The following GSDMB variants were observed in gnomAD, a reference collection of about 807,000 sequenced individuals.
The protein encoded by GSDMB is gasdermin-B.
In GSDMB, 32 loss-of-function variants were observed where a neutral mutation model predicts 42.9. The ratio of observed to expected loss-of-function variants is 0.75; its 90% CI spans 0.56 to 1.00. The LOEUF (loss-of-function observed/expected upper bound fraction) is 1.00, where lower values mean the gene tolerates loss of function less well. Among genes scored for constraint, GSDMB ranks in the 50% least tolerant of loss-of-function variants. The probability of loss-of-function intolerance (pLI) is 0.00; values close to 1 mark genes in which losing one functional copy is unlikely to be tolerated. For synonymous variants in GSDMB, 175 were observed against 193.7 expected, an observed-to-expected ratio of 0.90 and a Z score of 0.80; for missense variants, 468 against 498.5, an observed-to-expected ratio of 0.94 and a Z score of 0.58.
chr17:39,904,616 T>C lies in GSDMB; in HGVS notation c.*196A>G, dbSNP rs2063470835. 1 of 513,276 alleles carries C rather than the reference T, an allele frequency of 1.9e-6. No individual in the cohort carries two copies. Among genetic ancestry groups the C allele is most frequent in the African/African-American group, 1.9e-5 (1 of 51,780 alleles). 31.8% of individuals were successfully genotyped at this position (513,276 alleles called of 1,614,324 possible). A position where few individuals can be genotyped will look rare whatever the true frequency, so the allele number is the denominator to read the frequency against. On this transcript the variant is annotated 3_prime_UTR_variant, in exon 11 of 11. Transcript: ENST00000418519. ...AAAATTAACATGCACAACCTGCCAC[T>C]TTTAATCAGAAGTCCATGTATGAAA...
chr17:39,906,110 CT>C lies in GSDMB; in HGVS notation c.888del (p.Val297TyrfsTer5), dbSNP rs748416118. The C allele has an allele frequency of 6.2e-7, 1 of 1,614,160 alleles. No individual in the cohort carries two copies. Among genetic ancestry groups the C allele is most frequent in the Admixed American group, 1.7e-5 (1 of 60,016 alleles). On this transcript the variant is annotated frameshift_variant and splice_region_variant, in exon 8 of 11. Coordinates refer to ENST00000418519, the MANE Select transcript of GSDMB (RefSeq NM_001165958.2). LOFTEE classifies it high-confidence loss of function. ...KEDIRQDLEQRVSEVLISGEL... is the reference protein window; with the variant it reads ...KEDIRQDLEQXVSEVLISGEL... ...CCCAAGGCTTTCTTAGGGTCCCTTA[CT>C]CTTTGCTCTAGATCCTGCCGAATAT...
intron 2 of GSDMB, among the ~76,000 whole-genome samples, chr17:39,914,845 T>C (rs565932191): frequency 1.3e-5 from 2 of 150,472 alleles, no homozygotes; most frequent in South Asian, 2.1e-4. Context: ...TTTTTTTTTG[T>C]TTTTTTTTGA....
intron 3 of GSDMB, among the ~76,000 whole-genome samples, chr17:39,911,008 T>TA (rs771751904): frequency 1.3e-5 from 2 of 151,926 alleles, no homozygotes; most frequent in Admixed American, 1.3e-4. Context: ...AATTTATTAA[T>TA]AAAAAAGGGT....
At chr17:39,905,086 C>CT (rs2144666031) in intron 10 of GSDMB, 122 bp from the exon 11 acceptor site, 3 of 830,672 alleles carry the variant, frequency 3.6e-6, no homozygotes, top group Non-Finnish European at 6.0e-6. Context: ...TCATGGCACT[C>CT]TTTCCTGCAG....
At chr17:39,910,086 G>A (rs564228925) in intron 3 of GSDMB, among the ~76,000 whole-genome samples, 162 bp from the exon 4 acceptor site, 3 of 152,106 alleles carry the variant, frequency 2.0e-5, no homozygotes, top group South Asian at 2.1e-4. Context: ...TACCCACCTC[G>A]GGGTGGAGGT....
intron 4 of GSDMB, 21 bp downstream of exon 4, chr17:39,909,735 C>A: frequency 6.2e-7 from 1 of 1,610,166 alleles, no homozygotes; most frequent in Non-Finnish European, 8.5e-7. Context: ...CTCCACAGTC[C>A]CTGCCTCCCA....
At chr17:39,913,672 G>A (rs2063657305) in intron 2 of GSDMB, among the ~76,000 whole-genome samples, 1 of 152,198 alleles carries the variant, frequency 6.6e-6, no homozygotes, top group Non-Finnish European at 1.5e-5. Flanking sequence ...TATGAAGTGA[G>A]GCAACCCTGG....
chr17:39,905,246 C>G (rs1568100299), intron 10 of GSDMB, 180 bp downstream of exon 10: 1 of 613,374 alleles, frequency 1.6e-6, no homozygotes, highest in East Asian at 2.8e-5. Flanking sequence ...CCTAAAGAAC[C>G]CACCACAAAT....
At chr17:39,908,363 TGTTTTTGTTTTTTG>T in intron 5 of GSDMB, 149 bp from the exon 6 acceptor site, 1 of 589,306 alleles carries the variant, frequency 1.7e-6, no homozygotes, top group Non-Finnish European at 3.0e-6. Context: ...TTTTTGTTTT[TGTTTTTGTTTTTTG>T]TTTTTTGTTT....
chr17:39,905,394 AT>A (rs1340107044), intron 10 of GSDMB, 31 bp downstream of exon 10: 1 of 1,488,330 alleles, frequency 6.7e-7, no homozygotes, highest in Non-Finnish European at 9.3e-7. Flanking sequence ...CCCTTCCACT[AT>A]GACCATGGCC....
In GSDMB at chr17:39,906,119, C is replaced by T. The variant is rs370598352; in HGVS notation, c.880G>A (p.Glu294Lys). 1.9e-6 allele frequency: 3 copies of T among 1,614,078 alleles called. No individual in the cohort carries two copies. In the African/African-American group the frequency reaches 4.0e-5, roughly 22 times the overall value. Residue 294 changes from glutamate (E) to lysine (K), a missense_variant, in exon 8 of 11, where the codon GAG becomes AAG. By Grantham distance (56) the Glu-to-Lys change is moderately conservative. Transcript: ENST00000418519. ...TTCTTAGGGTCCCTTACTCTTTGCT[C>T]TAGATCCTGCCGAATATCCTCCTTG... ...LGKEDIRQDL[E>K]QRVSEVLISG...
At chr17:39,911,100 G>A (rs1020910883) in intron 3 of GSDMB, among the ~76,000 whole-genome samples, 1 of 152,008 alleles carries the variant, frequency 6.6e-6, no homozygotes, top group Non-Finnish European at 1.5e-5. Flanking sequence ...TCAGGAGTTC[G>A]AGACCAGATC....
At chr17:39,918,155 G>A (rs2063749440) in intron 1 of GSDMB, 1 of 152,136 alleles carries the variant, frequency 6.6e-6, no homozygotes, top group Admixed American at 6.5e-5. Flanking sequence ...AGGAATGACG[G>A]GCACGGTTGC....
chr17:39,908,000 C>T (rs985238132), intron 6 of GSDMB, among the ~76,000 whole-genome samples, 176 bp downstream of exon 6: 2 of 152,164 alleles, frequency 1.3e-5, no homozygotes, highest in African/African-American at 2.4e-5. Context: ...AACCCTAGTC[C>T]GATGTGCAAT....
intron 2 of GSDMB, among the ~76,000 whole-genome samples, chr17:39,913,162 G>T (rs2063644936): frequency 6.6e-6 from 1 of 152,068 alleles, no homozygotes; most frequent in Non-Finnish European, 1.5e-5. Context: ...GAAAAGAAAA[G>T]AAATGAAGAA....
intron 9 of GSDMB, 38 bp downstream of exon 9, chr17:39,905,809 C>A: frequency 6.2e-7 from 1 of 1,608,140 alleles, no homozygotes; most frequent in East Asian, 2.2e-5. Context: ...TCTGCTCACA[C>A]TTCCTCCACC....
chr17:39,912,409 G>A lies in GSDMB; in HGVS notation c.324C>T (p.Gly108=). 6.2e-7 allele frequency: 1 copy of A among 1,612,418 alleles called. No individual in the cohort carries two copies. The highest frequency in any genetic ancestry group is 8.5e-7 in the Non-Finnish European group (1 of 1,178,508). The change falls in exon 3 of 11, where the codon GGC becomes GGT. Residue 108 remains glycine (G), a synonymous_variant. Transcript: ENST00000418519. ...VRLPKEITIS[G]SFQGFHHQKI... ...TCTGATGGTGGAAGCCCTGGAAACT[G>A]CCTGAAATTGTTATTTCTTTGGGTA...
At position 39,908,904 on chromosome 17, in the gene GSDMB, C is replaced by T. The variant is rs1219244239; in HGVS notation, c.661+54G>A. The T allele has an allele frequency of 2.7e-6, 3 of 1,117,226 alleles. No homozygotes were observed. In the East Asian group the frequency reaches 7.5e-5, roughly 28 times the overall value. 69.2% of individuals were successfully genotyped at this position (1,117,226 alleles called of 1,614,324 possible). ...GAGCCTGGTTGAATCCCACCCCCCA[C>T]CTCACTGGTGTGTTTAGGGCCCCCC... On this transcript the variant is annotated intron_variant, in intron 5 of 10. Transcript: ENST00000418519.
At chr17:39,912,575 C>A in intron 2 of GSDMB, 78 bp from the exon 3 acceptor site, 1 of 1,156,992 alleles carries the variant, frequency 8.6e-7, no homozygotes, top group Non-Finnish European at 1.3e-6. Flanking sequence ...CCTGGGGCAG[C>A]CCCATCCTGG....
Sources: gnomAD v4.1 joint callset for allele counts (sites outside exome capture counted in the v4.1 genomes callset) on GRCh38, gnomAD v4.1.1 for gene constraint, MANE v1.5 for transcripts, NCBI Gene and HGNC (gene_info 2026-07-23, HGNC 2026-07-21) for gene names.